BAG5: variants seen among roughly 807,000 people sequenced by gnomAD.
BAG5 encodes the protein BAG cochaperone 5.
Under a neutral mutation model 31.8 loss-of-function variants are expected in BAG5, and 25 were observed. The observed-to-expected ratio is 0.79, with a 90% CI of 0.57 to 1.10. BAG5 has a LOEUF of 1.10. Among genes scored for constraint, BAG5 ranks in the 50% least tolerant of loss-of-function variants. The pLI, the probability that BAG5 is intolerant of heterozygous loss-of-function variation, is 0.00. For missense variants in BAG5, 491 were observed against 527.9 expected (o/e 0.93, Z 0.68); for synonymous variants, 208 against 205.0 (o/e 1.01, Z -0.13).
At chr14:103,561,667 G>GT in intron 1 of BAG5, 1 of 488,554 alleles carries the variant, frequency 2.0e-6, no homozygotes. Flanking sequence ...CCGCTTCTTC[G>GT]TTTCTCTCCA....
At chr14:103,561,946 G>T (rs771975163) in intron 1 of BAG5, 2 of 1,613,542 alleles carry the variant, frequency 1.2e-6, no homozygotes, top group Non-Finnish European at 1.7e-6. Context: ...CCTAATGCAC[G>T]TTTCAAGCTC....
chr14:103,562,200 C>T (rs896798397), intron 1 of BAG5: 2 of 594,506 alleles, frequency 3.4e-6, no homozygotes, highest in South Asian at 1.9e-5. Context: ...AGCTGGGCCC[C>T]CAGCTGCATG....
In BAG5 at chr14:103,559,680, A is replaced by G; in HGVS notation, c.*141T>C. On this transcript the variant is annotated 3_prime_UTR_variant, in exon 2 of 2. Transcript: ENST00000299204. ...ATATTTGTCTTGCAACATCAAAAGC[A>G]GCAGATACTGAATAGAATTTGCTTC... 1.1e-6 allele frequency: 1 copy of G among 951,018 alleles called. No homozygotes were observed. Among genetic ancestry groups the G allele is most frequent in the Non-Finnish European group, 1.5e-6 (1 of 647,094 alleles). 58.9% of individuals were successfully genotyped at this position (951,018 alleles called of 1,614,324 possible).
chr14:103,562,377 G>A (rs574576759), intron 1 of BAG5: 2 of 275,256 alleles, frequency 7.3e-6, no homozygotes, highest in South Asian at 7.4e-5. Context: ...GGGAAGCCGG[G>A]GGAGGAGGGG....
chr14:103,562,124 G>A (rs2076082196), intron 1 of BAG5: 6 of 715,414 alleles, frequency 8.4e-6, no homozygotes, highest in South Asian at 7.7e-5. Flanking sequence ...AATTGGATGC[G>A]GTCTTGGCGT....
intron 1 of BAG5, chr14:103,561,685 G>A: frequency 1.9e-6 from 1 of 533,788 alleles, no homozygotes; most frequent in Non-Finnish European, 3.3e-6. Context: ...CCATCCCTTT[G>A]TGCACTTCCC....
Position 103,558,261 on chromosome 14 carries a change from G to A in BAG5, c.*1560C>T, listed in dbSNP as rs981148946. Reference sequence around the variant, plus strand: ...TTTTCATGATTGGGAAATACTGAGAGACAAGCTGAAGATTTGTTAAGGGCT... The same window carrying A: ...TTTTCATGATTGGGAAATACTGAGAAACAAGCTGAAGATTTGTTAAGGGCT... On this transcript the variant is annotated 3_prime_UTR_variant, in exon 2 of 2. Transcript: ENST00000299204. 1 of 152,204 alleles carries A rather than the reference G, an allele frequency of 6.6e-6. No homozygotes were observed. Among genetic ancestry groups the A allele is most frequent in the Non-Finnish European group, 1.5e-5 (1 of 68,044 alleles). The allele number at this position is 152,204 out of a possible 1,614,324, so 9.4% of individuals were successfully genotyped here.
In BAG5 at chr14:103,559,745, A is replaced by G. The variant is rs190873312; in HGVS notation, c.*76T>C. On this transcript the variant is annotated 3_prime_UTR_variant, in exon 2 of 2. Coordinates refer to ENST00000299204, the MANE Select transcript of BAG5 (RefSeq NM_001015048.3). ...AGACTGAAATATGCACGTATAAATCAATGAACTGAAAGCTCTCTATACATA... is the reference window on the plus strand; with the variant it reads ...AGACTGAAATATGCACGTATAAATCGATGAACTGAAAGCTCTCTATACATA... The G allele has an allele frequency of 6.7e-7, 1 of 1,496,908 alleles. No homozygotes were observed. The highest frequency in any genetic ancestry group is 2.1e-5 in the Admixed American group (1 of 47,488). 92.7% of individuals were successfully genotyped at this position (1,496,908 alleles called of 1,614,324 possible).
rs1411757709 is a variant in BAG5 at position 103,560,118 on chromosome 14, C to T, written c.1047G>A (p.Lys349=). ...ACAGCTTTCTTTTCTCAAGGGCCTC[C>T]TTCAAGTCAATATATGTGATCAGAG... ...VQTLITYIDL[K]EALEKRKLFA... Residue 349 remains lysine, a synonymous_variant, in exon 2 of 2, where the codon AAG becomes AAA. Transcript: ENST00000299204. The T allele has an allele frequency of 6.2e-7, 1 of 1,614,126 alleles. No homozygotes were observed. Among genetic ancestry groups the T allele is most frequent in the Middle Eastern group, 1.6e-4 (1 of 6,062 alleles).
Position 103,560,174 on chromosome 14 carries a change from C to A in BAG5, c.991G>T (p.Ala331Ser), listed in dbSNP as rs1242936169. ...SLEKNPCIRE[A>S]RRRAVIEVQT... ...ACCTCGATCACTGCTCTTCTCCTGGCTTCCCGGATGCAGGGGTTTTTTTCA... is the reference window on the plus strand; with the variant it reads ...ACCTCGATCACTGCTCTTCTCCTGGATTCCCGGATGCAGGGGTTTTTTTCA... Residue 331 changes from alanine to serine, a missense_variant, in exon 2 of 2, where the codon GCC (alanine) becomes TCC (serine). Physicochemically the swap from Ala to Ser is moderately conservative, Grantham distance 99. Transcript: ENST00000299204. 1.2e-6 allele frequency: 2 copies of A among 1,614,034 alleles called. No homozygotes were observed. Among genetic ancestry groups the A allele is most frequent in the Non-Finnish European group, 1.7e-6 (2 of 1,180,032 alleles).
intron 1 of BAG5, chr14:103,561,852 A>G (rs1476053564): frequency 1.3e-5 from 16 of 1,255,478 alleles, no homozygotes; most frequent in Admixed American, 3.6e-5. Context: ...AACATGCTCC[A>G]CTCTCTCAAA....
At chr14:103,561,946 GT>G in intron 1 of BAG5, 2 of 1,613,658 alleles carry the variant, frequency 1.2e-6, no homozygotes, top group Non-Finnish European at 1.7e-6. Context: ...CCTAATGCAC[GT>G]TTCAAGCTCT....
At position 103,558,673 on chromosome 14, in the gene BAG5, C is replaced by G. The variant is rs1423468496; in HGVS notation, c.*1148G>C. The G allele has an allele frequency of 6.6e-6, 1 of 152,216 alleles. No homozygotes were observed. Among genetic ancestry groups the G allele is most frequent in the Non-Finnish European group, 1.5e-5 (1 of 68,048 alleles). 9.4% of individuals were successfully genotyped at this position (152,216 alleles called of 1,614,324 possible). A position where few individuals can be genotyped will look rare whatever the true frequency, so the allele number is the denominator to read the frequency against. ...GACATGAGCTCAGTTGTTCAGCAGG[C>G]ACCCAGAGGAAGCCTTTAATTCCGA... On this transcript the variant is annotated 3_prime_UTR_variant, in exon 2 of 2. Transcript: ENST00000299204.
rs1403470272 is a variant in BAG5, at chr14:103,559,954, T to C, written c.1211A>G (p.Lys404Arg). The change falls in exon 2 of 2, where the codon AAG becomes AGG. Residue 404 changes from lysine (K) to arginine (R), a missense_variant. Transcript: ENST00000299204. The stretch of plus-strand genomic sequence containing the variant: ...AACAGCATCCAGGGCTAGCAGCTGC[T>C]TGGTGAGCAGCTCTTCCAGCCGGAT... ...NYIRLEELLT[K>R]QLLALDAVDP... 6.2e-7 allele frequency: 1 copy of C among 1,614,114 alleles called. No individual in the cohort carries two copies. The highest frequency in any genetic ancestry group is 1.3e-5 in the African/African-American group (1 of 74,940).
rs185060106 is a variant in BAG5 at position 103,557,646 on chromosome 14, C to T, written c.*2175G>A. The T allele has an allele frequency of 3.9e-5, 6 of 152,252 alleles. No homozygotes were observed. The East Asian group carries it at 1.2e-3, about 29-fold the overall frequency. 9.4% of individuals were successfully genotyped at this position (152,252 alleles called of 1,614,324 possible). On this transcript the variant is annotated 3_prime_UTR_variant, in exon 2 of 2. Transcript: ENST00000299204. ...AGTAGTACTCTGGGGAAGAATATGC[C>T]TGAAGCGTAACCATGATTTCCCAGT...
chr14:103,561,861 A>G, intron 1 of BAG5: 2 of 1,454,734 alleles, frequency 1.4e-6, no homozygotes, highest in Non-Finnish European at 9.6e-7. Context: ...CACTCTCTCA[A>G]AAAAAAACAA....
intron 1 of BAG5, chr14:103,561,874 C>T (rs546904670): frequency 3.3e-6 from 5 of 1,504,182 alleles, no homozygotes; most frequent in Non-Finnish European, 2.8e-6. Flanking sequence ...AAAAACAACC[C>T]GCGAAAACGT....
In BAG5 at chr14:103,561,164, T is replaced by TA. The variant is rs1372717426; in HGVS notation, c.-1dup. ...GAAGGATGTTGGTTTCCCATATCCA[T>TA]ACTTTTGTTGTGTTCAGTTTCACAA... is the stretch of plus-strand genomic sequence containing the variant. On this transcript the variant is annotated 5_prime_UTR_variant, in exon 2 of 2. Coordinates refer to ENST00000299204, the MANE Select transcript of BAG5 (RefSeq NM_001015048.3). 2.5e-6 allele frequency: 4 copies of TA among 1,598,018 alleles called. No individual in the cohort carries two copies. Among genetic ancestry groups the TA allele is most frequent in the Non-Finnish European group, 3.4e-6 (4 of 1,179,304 alleles).
Position 103,560,423 on chromosome 14 carries a change from C to A in BAG5, c.742G>T (p.Asp248Tyr), listed in dbSNP as rs1337425535. The change falls in exon 2 of 2, where the codon GAT becomes TAT. Residue 248 changes from aspartate (D) to tyrosine (Y), a missense_variant. Transcript: ENST00000299204. ...IRNYRREVVEDINKLLKYLDL... is the reference protein window; with the variant it reads ...IRNYRREVVEYINKLLKYLDL... ...AGATATTTCAATAATTTGTTGATAT[C>A]TTCTACTACCTCCCTCCGATAATTT... The A allele has an allele frequency of 6.2e-7, 1 of 1,614,002 alleles. No homozygotes were observed. The highest frequency in any genetic ancestry group is 8.5e-7 in the Non-Finnish European group (1 of 1,180,038).
Sources: gnomAD v4.1 joint callset for allele counts on GRCh38, gnomAD v4.1.1 for gene constraint, MANE v1.5 for transcripts, NCBI Gene and HGNC (gene_info 2026-07-23, HGNC 2026-07-21) for gene names.